Variants in SESN3 observed in about 807,000 individuals in gnomAD.
SESN3 encodes sestrin 3.
In SESN3, 21 loss-of-function variants were observed where a neutral mutation model predicts 55.3. That is an observed-to-expected ratio of 0.38 (90% CI 0.27 to 0.55). SESN3 has a LOEUF of 0.55. SESN3 is among the 20% of genes least tolerant of loss of function. SESN3 has a pLI of 0.76. For missense variants in SESN3, 408 were observed against 604.3 expected (o/e 0.68, Z 3.41); for synonymous variants, 181 against 203.1 (o/e 0.89, Z 0.93).
upstream of SESN3, chr11:95,232,028 G>A (rs891976385): frequency 6.6e-6 from 1 of 152,236 alleles, no homozygotes; most frequent in Non-Finnish European, 1.5e-5. Context: ...AAAGGCCAAA[G>A]GGGCTTGTTT....
At chr11:95,224,313 G>A (rs1329837845) in intron 1 of SESN3, 4 of 286,014 alleles carry the variant, frequency 1.4e-5, no homozygotes, top group African/African-American at 2.2e-5. Flanking sequence ...TACATTTTGC[G>A]GTTTAAATGG....
At chr11:95,183,069 C>T (rs1860086006) in intron 6 of SESN3, among the ~76,000 whole-genome samples, 1 of 152,104 alleles carries the variant, frequency 6.6e-6, no homozygotes, top group Admixed American at 6.6e-5. Context: ...CTATGAGTTA[C>T]AATTATTTTT....
At chr11:95,192,065 AT>A (rs932698886) in intron 2 of SESN3, among the ~76,000 whole-genome samples, 1 of 152,226 alleles carries the variant, frequency 6.6e-6, no homozygotes, top group Middle Eastern at 3.4e-3. Context: ...GTGATTTAAC[AT>A]AAAAAAAACT....
rs1859752676 is a variant in SESN3, at chr11:95,166,562, T to C, written c.*6693A>G. The C allele has an allele frequency of 6.6e-6, 1 of 152,204 alleles. No individual in the cohort carries two copies. The highest frequency in any genetic ancestry group is 1.5e-5 in the Non-Finnish European group (1 of 68,036). The allele number at this position is 152,204 out of a possible 1,614,324, so 9.4% of individuals were successfully genotyped here. A position where few individuals can be genotyped will look rare whatever the true frequency, so the allele number is the denominator to read the frequency against. On this transcript the variant is annotated 3_prime_UTR_variant, in exon 10 of 10. Transcript: ENST00000536441. ...AGCTGTCCTGCAAAACCAGGATTTT[T>C]TAAAAAGAGTTTTCAAGTTCAACTT... is the stretch of plus-strand genomic sequence containing the variant.
chr11:95,223,829 A>G (rs1860902262), intron 1 of SESN3, among the ~76,000 whole-genome samples: 1 of 151,918 alleles, frequency 6.6e-6, no homozygotes, highest in South Asian at 2.1e-4. Context: ...ACCCCTTCGC[A>G]CTCTTAAAAA....
At chr11:95,191,303 A>G (rs1378358310) in intron 3 of SESN3, 101 bp downstream of exon 3, 1 of 881,420 alleles carries the variant, frequency 1.1e-6, no homozygotes, top group Non-Finnish European at 1.9e-6. Context: ...TCCATAAATT[A>G]TACTTAGCTC....
At position 95,231,161 on chromosome 11, in the gene SESN3, A is replaced by G. The variant is rs893518447; in HGVS notation, c.-301T>C. On this transcript the variant is annotated 5_prime_UTR_variant, in exon 1 of 10. Transcript: ENST00000536441. ...CGCCAGGCTAGGACGAGCAGCCGCC[A>G]CCGCTGCCACCGCCACCACCGCCGC... 1.2e-5 allele frequency: 3 copies of G among 240,454 alleles called. No individual in the cohort carries two copies. Among genetic ancestry groups the G allele is most frequent in the Non-Finnish European group, 1.4e-5 (2 of 139,502 alleles). 14.9% of individuals were successfully genotyped at this position (240,454 alleles called of 1,614,324 possible). A position where few individuals can be genotyped will look rare whatever the true frequency, so the allele number is the denominator to read the frequency against.
intron 1 of SESN3, among the ~76,000 whole-genome samples, chr11:95,205,391 A>C (rs536280541): frequency 1.3e-4 from 20 of 152,272 alleles, no homozygotes; most frequent in Admixed American, 6.5e-4. Flanking sequence ...TTATGTAGGA[A>C]AGAGAAGATT....
intron 1 of SESN3, among the ~76,000 whole-genome samples, chr11:95,211,615 C>T (rs1860657017): frequency 6.6e-6 from 1 of 151,924 alleles, no homozygotes; most frequent in Admixed American, 6.6e-5. Flanking sequence ...AAAAAAAATA[C>T]AAAAATTGGC....
intron 1 of SESN3, among the ~76,000 whole-genome samples, chr11:95,210,177 T>C (rs1039526334): frequency 6.6e-6 from 1 of 151,776 alleles, no homozygotes; most frequent in Non-Finnish European, 1.5e-5. Context: ...TGAGAACACA[T>C]GGACACAGGG....
intron 1 of SESN3, among the ~76,000 whole-genome samples, chr11:95,195,659 A>G (rs1231415057): frequency 6.6e-6 from 1 of 152,184 alleles, no homozygotes; most frequent in Non-Finnish European, 1.5e-5. Flanking sequence ...AGTTTTCACT[A>G]TTATAAGTAA....
At chr11:95,194,285 G>A (rs894523166) in intron 1 of SESN3, among the ~76,000 whole-genome samples, 2 of 151,920 alleles carry the variant, frequency 1.3e-5, no homozygotes, top group Admixed American at 6.6e-5. Context: ...CCATTACTAG[G>A]TAACCTGAGT....
chr11:95,195,738 A>G (rs534621615), intron 1 of SESN3, among the ~76,000 whole-genome samples: 11 of 152,298 alleles, frequency 7.2e-5, no homozygotes, highest in African/African-American at 2.6e-4. Context: ...TAGTTTCTTT[A>G]GGAAGATTCC....
rs546474339 is a variant in SESN3 at position 95,188,046 on chromosome 11, G to A, written c.525+1733C>T. Among the ~76,000 whole-genome samples, 19 of 149,856 alleles carry A rather than the reference G, an allele frequency of 1.3e-4. No homozygotes were observed. In the South Asian group the frequency reaches 4.0e-3, roughly 32 times the overall value. On this transcript the variant is annotated intron_variant, in intron 4 of 9. Transcript: ENST00000536441. ...AAAAAAAAAAAATCACCTCTCAGGT[G>A]TAGTACTATGACTGGTCTACTGCTT... is the stretch of plus-strand genomic sequence containing the variant.
At chr11:95,227,963 A>G (rs1374459199) in intron 1 of SESN3, among the ~76,000 whole-genome samples, 1 of 152,246 alleles carries the variant, frequency 6.6e-6, no homozygotes, top group African/African-American at 2.4e-5. Flanking sequence ...AGAGCAAGTT[A>G]GACTTAAGAG....
At chr11:95,215,171 T>C (rs1860728954) in intron 1 of SESN3, among the ~76,000 whole-genome samples, 2 of 149,854 alleles carry the variant, frequency 1.3e-5, no homozygotes, top group African/African-American at 4.9e-5. Flanking sequence ...ACTAAATTCT[T>C]AGAGTATTAG....
chr11:95,206,387 C>T (rs968178717), intron 1 of SESN3, among the ~76,000 whole-genome samples: 6 of 151,902 alleles, frequency 3.9e-5, no homozygotes, highest in African/African-American at 1.4e-4. Flanking sequence ...CACACACACA[C>T]ACACACACAC....
chr11:95,230,942 C>T lies in SESN3; in HGVS notation c.-82G>A. 4 of 891,576 alleles carry T rather than the reference C, an allele frequency of 4.5e-6. No individual in the cohort carries two copies. The highest frequency in any genetic ancestry group is 2.4e-5 in the South Asian group (1 of 42,250). The allele number at this position is 891,576 out of a possible 1,614,324, so 55.2% of individuals were successfully genotyped here. A position where few individuals can be genotyped will look rare whatever the true frequency, so the allele number is the denominator to read the frequency against. ...GCGGCCACTGCAGGGCCGGTCCGTC[C>T]CCCCGCCGCCAGCCGCGATTCCGCC... On this transcript the variant is annotated 5_prime_UTR_variant, in exon 1 of 10. Transcript: ENST00000536441. The surrounding 1 kb of genome is among the most constrained non-coding windows in gnomAD (Gnocchi z 4.6).
At chr11:95,188,832 C>A (rs566546770) in intron 4 of SESN3, among the ~76,000 whole-genome samples, 2 of 151,870 alleles carry the variant, frequency 1.3e-5, no homozygotes, top group African/African-American at 2.4e-5. Context: ...CTTTACCCAC[C>A]AAAGTATCTG....
Sources: gnomAD v4.1 joint callset for allele counts (sites outside exome capture counted in the v4.1 genomes callset) on GRCh38, gnomAD v4.1.1 for gene constraint, Gnocchi (gnomAD v3.1) non-coding constraint, MANE v1.5 for transcripts, NCBI Gene and HGNC (gene_info 2026-07-23, HGNC 2026-07-21) for gene names.